VPS9D1: variants seen among roughly 807,000 people sequenced by gnomAD.
The protein encoded by VPS9D1 is VPS9 domain-containing protein 1.
A neutral mutation model predicts 75.8 loss-of-function variants in VPS9D1; 78 were observed. The observed-to-expected ratio is 1.03, with a 90% CI of 0.86 to 1.24. The LOEUF (loss-of-function observed/expected upper bound fraction) is 1.24. Among genes scored for constraint, VPS9D1 ranks in the 50% most tolerant of loss-of-function variants. The probability of loss-of-function intolerance (pLI) is 0.00; values close to 1 mark genes in which losing one functional copy is unlikely to be tolerated. For synonymous variants in VPS9D1, 481 were observed against 385.6 expected (o/e 1.25, Z -2.90); for missense variants, 1,057 against 847.7 (o/e 1.25, Z -3.07).
At chr16:89,712,253 G>T in intron 6 of VPS9D1, 154 bp from the exon 7 acceptor site, 1 of 1,347,624 alleles carries the variant, frequency 7.4e-7, no homozygotes, top group Non-Finnish European at 1.0e-6. Context: ...GGCAGCCTGC[G>T]CTCAAGCCAG....
chr16:89,716,648 G>A (rs765855701), intron 3 of VPS9D1, 24 bp from the exon 4 acceptor site: 43 of 1,609,038 alleles, frequency 2.7e-5, no homozygotes, highest in Non-Finnish European at 2.2e-5. Flanking sequence ...GTAACCAGGG[G>A]TCAAGCGGTG....
intron 10 of VPS9D1, among the ~76,000 whole-genome samples, 153 bp downstream of exon 10, chr16:89,710,433 C>G (rs868714889): frequency 2.6e-5 from 4 of 152,114 alleles, no homozygotes; most frequent in Non-Finnish European, 4.4e-5. Flanking sequence ...CACACTGTTT[C>G]CAAAATGAGA....
intron 11 of VPS9D1, 118 bp from the exon 12 acceptor site, chr16:89,709,553 C>T (rs1481743673): frequency 5.3e-6 from 7 of 1,311,242 alleles, no homozygotes; most frequent in Non-Finnish European, 7.1e-6. Flanking sequence ...AAGCAAAAAG[C>T]CCCAGCGTTG....
In VPS9D1 at chr16:89,719,022, C is replaced by G. The variant is rs75262340; in HGVS notation, c.175+5G>C. The G allele has an allele frequency of 5.6e-6, 9 of 1,611,922 alleles. No individual in the cohort carries two copies. The highest frequency in any genetic ancestry group is 7.6e-6 in the Non-Finnish European group (9 of 1,178,982). ...AGCCACCGCGCCCGGCTGGCTGAGC[C>G]GTACCTTTAGTGGTTTCCACTTCTT... is the stretch of plus-strand genomic sequence containing the variant. On this transcript the variant is annotated splice_donor_5th_base_variant and intron_variant, in intron 2 of 14. Transcript: ENST00000389386.
At chr16:89,712,779 G>T in intron 4 of VPS9D1, 63 bp from the exon 5 acceptor site, 1 of 1,387,844 alleles carries the variant, frequency 7.2e-7, no homozygotes. Flanking sequence ...GACACCAGAG[G>T]AGTCTCTCTC....
At chr16:89,713,665 G>A (rs2060994283) in intron 4 of VPS9D1, among the ~76,000 whole-genome samples, 1 of 152,124 alleles carries the variant, frequency 6.6e-6, no homozygotes. Flanking sequence ...AACAATCCGA[G>A]GCTGTATGAC....
chr16:89,716,673 G>A lies in VPS9D1; in HGVS notation c.269-49C>T, dbSNP rs749223350. 1.9e-6 allele frequency: 3 copies of A among 1,601,766 alleles called. No individual in the cohort carries two copies. The East Asian group carries it at 6.7e-5, about 36-fold the overall frequency. On this transcript the variant is annotated intron_variant, in intron 3 of 14. Coordinates refer to ENST00000389386, the MANE Select transcript of VPS9D1 (RefSeq NM_004913.3). ...GTCAAGCGGTGGGCCACATCCCACA[G>A]AGGAGATGCGGGCTTGGGGGATGCC...
In VPS9D1 at chr16:89,712,523, CT is replaced by C. The variant is rs1416352375; in HGVS notation, c.544-2del. The C allele has an allele frequency of 1.9e-6, 3 of 1,611,848 alleles. No individual in the cohort carries two copies. The Admixed American group carries it at 5.0e-5, about 27-fold the overall frequency. On this transcript the variant is annotated splice_acceptor_variant, in intron 5 of 14. Transcript: ENST00000389386. LOFTEE classifies it high-confidence loss of function. Reference sequence around the variant, plus strand: ...TCATCTGCCGCTGTAGAGAGAGGGTCTGGGGGGGGAGGAGGGAGTAAGGCCG... The same window carrying C: ...TCATCTGCCGCTGTAGAGAGAGGGTCGGGGGGGGAGGAGGGAGTAAGGCCG...
At chr16:89,716,081 G>A (rs553825569) in intron 4 of VPS9D1, among the ~76,000 whole-genome samples, 1 of 152,060 alleles carries the variant, frequency 6.6e-6, no homozygotes, top group Non-Finnish European at 1.5e-5. Context: ...TCCCAGCACT[G>A]TGGGGGCCGG....
At chr16:89,708,102 G>C (rs905066495) in intron 14 of VPS9D1, 148 bp from the exon 15 acceptor site, 8 of 753,356 alleles carry the variant, frequency 1.1e-5, no homozygotes, top group Non-Finnish European at 1.6e-5. Context: ...GGCTAGAGGA[G>C]GCCTTTCCCA....
At chr16:89,711,516 C>A in intron 8 of VPS9D1, 104 bp from the exon 9 acceptor site, 2 of 1,172,644 alleles carry the variant, frequency 1.7e-6, no homozygotes, top group Non-Finnish European at 2.4e-6. Flanking sequence ...GGAGCCCGTC[C>A]TGGGGTGCAG....
intron 10 of VPS9D1, among the ~76,000 whole-genome samples, chr16:89,710,152 G>A (rs1379145407): frequency 1.3e-5 from 2 of 152,170 alleles, no homozygotes; most frequent in Admixed American, 1.3e-4. Context: ...TTCTCAAAAG[G>A]GGCTTTACCC....
chr16:89,719,132 C>T, intron 1 of VPS9D1, 30 bp from the exon 2 acceptor site: 1 of 1,607,036 alleles, frequency 6.2e-7, no homozygotes, highest in Non-Finnish European at 8.5e-7. Context: ...AGAGTGGGGT[C>T]AGGCCAGTGG....
Position 89,711,416 on chromosome 16 carries a change from C to A in VPS9D1, c.748-4G>T, listed in dbSNP as rs1359956475. 8.1e-6 allele frequency: 13 copies of A among 1,602,896 alleles called. No individual in the cohort carries two copies. The highest frequency in any genetic ancestry group is 1.1e-5 in the Non-Finnish European group (13 of 1,174,972). On this transcript the variant is annotated splice_polypyrimidine_tract_variant and splice_region_variant and intron_variant, in intron 8 of 14. Coordinates refer to ENST00000389386, the MANE Select transcript of VPS9D1 (RefSeq NM_004913.3). ...CCTTCCAGTGCTTCGGCCAGTCCTA[C>A]GGGACAGGGGGCCTTGAAGGAAAGC...
chr16:89,719,801 C>T (rs1316734272), intron 1 of VPS9D1, among the ~76,000 whole-genome samples: 2 of 152,192 alleles, frequency 1.3e-5, no homozygotes, highest in African/African-American at 2.4e-5. Flanking sequence ...TCACTGCAAC[C>T]TCCGCCTCCT....
Position 89,708,916 on chromosome 16 carries a change from G to C in VPS9D1, c.1638C>G (p.Tyr546Ter). ...LRIICVCAED[Y>*]CPTPEATPQA... Reference sequence around the variant, plus strand: ...GGGGTGTGGCCTCTGGGGTGGGGCAGTAGTCTTCCGCACAGACACAGATGA... The same window carrying C: ...GGGGTGTGGCCTCTGGGGTGGGGCACTAGTCTTCCGCACAGACACAGATGA... The change falls in exon 13 of 15, where the codon TAC becomes TAG. Residue 546 changes from tyrosine (Y) to a stop codon, truncating the protein, a stop_gained. Coordinates refer to ENST00000389386, the MANE Select transcript of VPS9D1 (RefSeq NM_004913.3). LOFTEE classifies it high-confidence loss of function. 1 of 1,601,290 alleles carries C rather than the reference G, an allele frequency of 6.2e-7. No homozygotes were observed. The highest frequency in any genetic ancestry group is 8.5e-7 in the Non-Finnish European group (1 of 1,176,118).
chr16:89,715,525 C>T (rs2061043207), intron 4 of VPS9D1, among the ~76,000 whole-genome samples: 1 of 150,142 alleles, frequency 6.7e-6, no homozygotes, highest in South Asian at 2.1e-4. Flanking sequence ...CGCGCCCGGT[C>T]ATTTTTTTTT....
chr16:89,712,524 T>TGGG lies in VPS9D1; in HGVS notation c.544-5_544-3dup, dbSNP rs143123169. ...CATCTGCCGCTGTAGAGAGAGGGTC[T>TGGG]GGGGGGGGAGGAGGGAGTAAGGCCG... On this transcript the variant is annotated splice_region_variant and splice_polypyrimidine_tract_variant and intron_variant, in intron 5 of 14. Transcript: ENST00000389386. The TGGG allele has an allele frequency of 6.2e-7, 1 of 1,610,842 alleles. No individual in the cohort carries two copies. The highest frequency in any genetic ancestry group is 1.3e-5 in the African/African-American group (1 of 74,724).
At position 89,709,329 on chromosome 16, in the gene VPS9D1, G is replaced by A; in HGVS notation, c.1495C>T (p.Pro499Ser). The part of the protein sequence containing the change: ...GIPTKLLPQN[P>S]EAKGATGYPY... ...TAGCCAGTGGCCCCCTTGGCCTCAG[G>A]GTTCTGGGGGAGGAGCTTGGTGGGG... The change falls in exon 12 of 15, where the codon CCT (proline) becomes TCT (serine). Residue 499 changes from proline (P) to serine (S), a missense_variant. Transcript: ENST00000389386. 1 of 1,599,358 alleles carries A rather than the reference G, an allele frequency of 6.3e-7. No individual in the cohort carries two copies. The highest frequency in any genetic ancestry group is 8.5e-7 in the Non-Finnish European group (1 of 1,175,088).
Sources: gnomAD v4.1 joint callset for allele counts (sites outside exome capture counted in the v4.1 genomes callset) on GRCh38, gnomAD v4.1.1 for gene constraint, MANE v1.5 for transcripts, NCBI Gene and HGNC (gene_info 2026-07-23, HGNC 2026-07-21) for gene names.